MYT1L: variants seen among roughly 807,000 people sequenced by gnomAD.
The protein encoded by MYT1L is myelin transcription factor 1-like protein.
In MYT1L, 12 loss-of-function variants were observed where a neutral mutation model predicts 126.7. The observed-to-expected ratio is 0.09, with a 90% CI of 0.06 to 0.15. MYT1L has a LOEUF of 0.15. Among genes scored for constraint, MYT1L ranks in the 10% least tolerant of loss-of-function variants. The probability of loss-of-function intolerance (pLI) is 1.00; values close to 1 mark genes in which losing one functional copy is unlikely to be tolerated. For missense variants in MYT1L, 979 were observed against 1,585.2 expected, an observed-to-expected ratio of 0.62 and a Z score of 6.49; for synonymous variants, 541 against 604.2, an observed-to-expected ratio of 0.90 and a Z score of 1.53.
intron 4 of MYT1L, among the ~76,000 whole-genome samples, chr2:2,012,209 G>C (rs1295867193): frequency 6.6e-6 from 1 of 152,076 alleles, no homozygotes; most frequent in Non-Finnish European, 1.5e-5. Context: ...AAAGAGAATG[G>C]GGCTGATTTA....
At chr2:2,144,679 G>A (rs1471249936) in intron 3 of MYT1L, among the ~76,000 whole-genome samples, 4 of 152,120 alleles carry the variant, frequency 2.6e-5, no homozygotes, top group Non-Finnish European at 5.9e-5. Flanking sequence ...TGTGGTCATC[G>A]GACATGCCCT....
At chr2:2,276,402 T>G (rs2095359463) in intron 2 of MYT1L, among the ~76,000 whole-genome samples, 1 of 152,184 alleles carries the variant, frequency 6.6e-6, no homozygotes, top group Non-Finnish European at 1.5e-5. Context: ...GGGATGTGGA[T>G]CAGACAGTTC....
rs114662856 is a variant in MYT1L, at chr2:2,207,686, C to T, written c.-420-34698G>A. 5.4e-3 allele frequency among the ~76,000 whole-genome samples: 826 copies of T among 152,284 alleles called. 11 individuals are homozygous for T. Among genetic ancestry groups the T allele is most frequent in the African/African-American group, 0.019 (795 of 41,538 alleles). ...CTACAGTGAGACAAGTTTTGCATCA[C>T]AGATTCTCTCAGGATCTGATGCAGG... On this transcript the variant is annotated intron_variant, in intron 2 of 24. Coordinates refer to ENST00000647738, the MANE Select transcript of MYT1L (RefSeq NM_001303052.2).
intron 19 of MYT1L, among the ~76,000 whole-genome samples, chr2:1,847,546 A>T (rs2042667554): frequency 1.3e-5 from 2 of 152,154 alleles, no homozygotes. Flanking sequence ...ACTACAGGTG[A>T]AGGAGAAGGC....
intron 1 of MYT1L, among the ~76,000 whole-genome samples, chr2:2,293,779 C>T (rs1304257732): frequency 1.3e-5 from 2 of 152,166 alleles, no homozygotes; most frequent in African/African-American, 2.4e-5. Flanking sequence ...CTCCTCCCGG[C>T]TCCTCTGGAG....
Position 2,217,070 on chromosome 2 carries a change from C to T in MYT1L, c.-420-44082G>A, listed in dbSNP as rs146510103. Among the ~76,000 whole-genome samples, 582 of 152,306 alleles carry T rather than the reference C, an allele frequency of 3.8e-3. 3 individuals carry two copies. The highest frequency in any genetic ancestry group is 0.013 in the African/African-American group (555 of 41,558). ...ACAAACAAAACTTCAGGTCTCGATA[C>T]TTCAGGTATGAATTGCATCAAACAT... is the stretch of plus-strand genomic sequence containing the variant. On this transcript the variant is annotated intron_variant, in intron 2 of 24. Coordinates refer to ENST00000647738, the MANE Select transcript of MYT1L (RefSeq NM_001303052.2).
intron 2 of MYT1L, among the ~76,000 whole-genome samples, chr2:2,222,034 C>G (rs1245863171): frequency 6.6e-6 from 1 of 152,210 alleles, no homozygotes; most frequent in Non-Finnish European, 1.5e-5. Context: ...GTTGTCTTCT[C>G]TCACTTGATG....
intron 1 of MYT1L, among the ~76,000 whole-genome samples, chr2:2,321,984 T>A (rs537198664): frequency 1.3e-5 from 2 of 152,248 alleles, no homozygotes; most frequent in Admixed American, 1.3e-4. Context: ...ATGGCTCAAA[T>A]ATTGTCAGCT....
intron 2 of MYT1L, among the ~76,000 whole-genome samples, chr2:2,213,916 G>A (rs1435503574): frequency 6.6e-6 from 1 of 152,058 alleles, no homozygotes; most frequent in African/African-American, 2.4e-5. Flanking sequence ...ACCACTGTTA[G>A]AATTATAAGG....
chr2:1,816,800 C>T (rs2037725098), intron 21 of MYT1L: 1 of 152,756 alleles, frequency 6.5e-6, no homozygotes, highest in African/African-American at 2.4e-5. Context: ...GTTCCTATGC[C>T]CCAGTGTATG....
chr2:1,961,746 C>T (rs73188459), intron 8 of MYT1L, among the ~76,000 whole-genome samples: 7,551 of 152,262 alleles, frequency 0.05, 568 homozygotes, highest in African/African-American at 0.17. Context: ...GCCTCGGAGA[C>T]GTGGTTCCAA....
rs1239131722 is a variant in MYT1L at position 1,848,643 on chromosome 2, T to TG, written c.2774+2997dup. 1.3e-5 allele frequency among the ~76,000 whole-genome samples: 2 copies of TG among 152,206 alleles called. No homozygotes were observed. Among genetic ancestry groups the TG allele is most frequent in the African/African-American group, 4.8e-5 (2 of 41,456 alleles). ...AACATGAAAAGAAGTTCCTCCTACT[T>TG]GCATTTCTGGCCACCAAGAGCCAAC... On this transcript the variant is annotated intron_variant, in intron 19 of 24. Transcript: ENST00000647738. The surrounding 1 kb of genome is among the most constrained non-coding windows in gnomAD (Gnocchi z 4.8).
At chr2:2,317,319 C>T (rs908802856) in intron 1 of MYT1L, among the ~76,000 whole-genome samples, 1 of 152,124 alleles carries the variant, frequency 6.6e-6, no homozygotes, top group African/African-American at 2.4e-5. Context: ...TGTGGTCCTG[C>T]TGATAGCATG....
chr2:1,903,374 T>C (rs934968927), intron 13 of MYT1L, 80 bp from the exon 14 acceptor site: 1 of 1,137,020 alleles, frequency 8.8e-7, no homozygotes, highest in Non-Finnish European at 1.3e-6. Context: ...AAAACTAGAA[T>C]ATCTTACTTT....
At chr2:2,309,883 C>A (rs1573445676) in intron 1 of MYT1L, among the ~76,000 whole-genome samples, 1 of 150,272 alleles carries the variant, frequency 6.7e-6, no homozygotes, top group African/African-American at 2.4e-5. Context: ...TACACTTTAG[C>A]ACACTCTACC....
chr2:1,979,013 G>A lies in MYT1L; in HGVS notation c.152+152C>T, dbSNP rs2060391486. ...TTATGTTTTGAGAACCCTTTCAAGA[G>A]ACAAAGACTGAGTTCCAGTGTGAGA... On this transcript the variant is annotated intron_variant, in intron 8 of 24. Coordinates refer to ENST00000647738, the MANE Select transcript of MYT1L (RefSeq NM_001303052.2). The surrounding 1 kb of genome is among the most constrained non-coding windows in gnomAD (Gnocchi z 4.0). Among the ~76,000 whole-genome samples, 1 of 152,136 alleles carries A rather than the reference G, an allele frequency of 6.6e-6. No individual in the cohort carries two copies. The highest frequency in any genetic ancestry group is 1.5e-5 in the Non-Finnish European group (1 of 68,036).
At chr2:2,242,225 A>G (rs60435493) in intron 2 of MYT1L, among the ~76,000 whole-genome samples, 4,000 of 152,324 alleles carry the variant, frequency 0.026, 161 homozygotes, top group East Asian at 0.16. Context: ...TACAGAGACC[A>G]GATCCATCTT....
chr2:1,986,805 A>G (rs969581095), intron 5 of MYT1L, among the ~76,000 whole-genome samples: 1 of 152,168 alleles, frequency 6.6e-6, no homozygotes, highest in Non-Finnish European at 1.5e-5. Flanking sequence ...GCAGTGGTGA[A>G]GCTTTGTTGT....
intron 1 of MYT1L, chr2:2,304,065 A>G (rs568264618): frequency 6.6e-6 from 1 of 152,348 alleles, no homozygotes; most frequent in Admixed American, 6.5e-5. Context: ...GAAACAAGAA[A>G]CAAAAAAGAC....
Sources: gnomAD v4.1 joint callset for allele counts (sites outside exome capture counted in the v4.1 genomes callset) on GRCh38, gnomAD v4.1.1 for gene constraint, Gnocchi (gnomAD v3.1) non-coding constraint, MANE v1.5 for transcripts, NCBI Gene and HGNC (gene_info 2026-07-23, HGNC 2026-07-21) for gene names.